Variants in SNX24 observed in about 807,000 individuals in gnomAD.
SNX24 encodes sorting nexin-24.
Under a neutral mutation model 28.7 loss-of-function variants are expected in SNX24, and 22 were observed. The ratio of observed to expected loss-of-function variants is 0.77; its 90% CI spans 0.55 to 1.10. SNX24 has a LOEUF of 1.10. Among genes scored for constraint, SNX24 ranks in the 50% least tolerant of loss-of-function variants. SNX24 has a pLI of 0.00. For synonymous variants in SNX24, 69 were observed against 71.5 expected (o/e 0.96, Z 0.18); for missense variants, 221 against 201.1 (o/e 1.10, Z -0.60).
At chr5:122,992,522 A>C (rs1028772045) in intron 3 of SNX24, among the ~76,000 whole-genome samples, 1 of 152,082 alleles carries the variant, frequency 6.6e-6, no homozygotes, top group Non-Finnish European at 1.5e-5. Context: ...GCCTTTGAAC[A>C]AGCTGGAATA....
intron 3 of SNX24, among the ~76,000 whole-genome samples, chr5:122,962,747 C>G (rs1177379677): frequency 2.6e-5 from 4 of 152,196 alleles, no homozygotes; most frequent in Non-Finnish European, 2.9e-5. Flanking sequence ...AATATTAACT[C>G]TAGTGGATTG....
chr5:122,982,415 T>G (rs1257016102), intron 3 of SNX24, among the ~76,000 whole-genome samples: 2 of 152,218 alleles, frequency 1.3e-5, no homozygotes, highest in African/African-American at 4.8e-5. Flanking sequence ...TAATTATTTG[T>G]GCTACTGGAA....
At chr5:122,996,198 C>T (rs1457850826) in intron 3 of SNX24, among the ~76,000 whole-genome samples, 2 of 152,204 alleles carry the variant, frequency 1.3e-5, no homozygotes, top group Non-Finnish European at 2.9e-5. Context: ...AGCAAGGCAG[C>T]ATACCCTCCA....
At position 122,880,196 on chromosome 5, in the gene SNX24, T is replaced by C. The variant is rs537856703; in HGVS notation, c.60+34503T>C. Among the ~76,000 whole-genome samples the C allele has an allele frequency of 2.6e-5, 4 of 152,358 alleles. No individual in the cohort carries two copies. The South Asian group carries it at 6.2e-4, about 24-fold the overall frequency. ...AGGAGCTGCCTTAGAATGGGAGATA[T>C]ACTCTTTAAAATATTTCATAAATGG... On this transcript the variant is annotated intron_variant, in intron 1 of 6. Transcript: ENST00000261369.
At chr5:123,019,447 C>A (rs943238430) in intron 5 of SNX24, among the ~76,000 whole-genome samples, 12 of 152,134 alleles carry the variant, frequency 7.9e-5, no homozygotes, top group Admixed American at 4.6e-4. Context: ...TTATGTAACT[C>A]AAAACGGCTA....
intron 5 of SNX24, among the ~76,000 whole-genome samples, chr5:123,015,764 G>GA (rs971645232): frequency 1.2e-4 from 18 of 150,516 alleles, no homozygotes; most frequent in Non-Finnish European, 1.5e-4. Context: ...AATTAAAAAA[G>GA]AAAAAAAAAC....
At chr5:122,915,134 A>G (rs1189943137) in intron 1 of SNX24, among the ~76,000 whole-genome samples, 2 of 152,188 alleles carry the variant, frequency 1.3e-5, no homozygotes, top group East Asian at 3.8e-4. Context: ...GAAATCTGAA[A>G]TGGTCTCAAC....
At chr5:122,978,444 A>C (rs919149180) in intron 3 of SNX24, among the ~76,000 whole-genome samples, 3 of 152,200 alleles carry the variant, frequency 2.0e-5, no homozygotes, top group Middle Eastern at 3.2e-3. Context: ...ACTTCTTGTT[A>C]GACTTTCTAG....
At chr5:122,918,506 A>C (rs1340225148) in intron 1 of SNX24, among the ~76,000 whole-genome samples, 1 of 152,202 alleles carries the variant, frequency 6.6e-6, no homozygotes, top group Admixed American at 6.5e-5. Context: ...TTGCTTCATA[A>C]GTAATCATAT....
At chr5:122,920,547 G>C (rs1236409787) in intron 1 of SNX24, among the ~76,000 whole-genome samples, 1 of 152,212 alleles carries the variant, frequency 6.6e-6, no homozygotes, top group Non-Finnish European at 1.5e-5. Context: ...TCTTACAGTG[G>C]AGTTGCAGAG....
intron 1 of SNX24, among the ~76,000 whole-genome samples, chr5:122,873,931 A>G (rs1175284974): frequency 2.0e-5 from 3 of 151,944 alleles, no homozygotes; most frequent in African/African-American, 4.8e-5. Context: ...ACGTCTGGCT[A>G]ATTTTTTTGT....
chr5:122,851,362 C>T (rs1379554828), intron 1 of SNX24, among the ~76,000 whole-genome samples: 1 of 152,064 alleles, frequency 6.6e-6, no homozygotes, highest in Non-Finnish European at 1.5e-5. Context: ...GATGGAGTTT[C>T]ATCATGTTGG....
At chr5:122,936,256 A>G (rs762158882) in intron 1 of SNX24, among the ~76,000 whole-genome samples, 22 of 152,196 alleles carry the variant, frequency 1.4e-4, no homozygotes, top group Non-Finnish European at 3.1e-4. Flanking sequence ...TATGCAGGTT[A>G]GAAAGAAATT....
chr5:122,991,551 C>G (rs1037556491), intron 3 of SNX24, among the ~76,000 whole-genome samples: 1 of 152,176 alleles, frequency 6.6e-6, no homozygotes, highest in African/African-American at 2.4e-5. Context: ...CCTCTGCCTC[C>G]CAGTTTCAAG....
intron 1 of SNX24, among the ~76,000 whole-genome samples, chr5:122,915,612 C>T (rs2150095688): frequency 6.6e-6 from 1 of 152,268 alleles, no homozygotes; most frequent in East Asian, 1.9e-4. Flanking sequence ...GGTAACAAAG[C>T]AAGACCCTGT....
chr5:123,006,002 A>G (rs1393818669), intron 6 of SNX24, among the ~76,000 whole-genome samples: 7 of 152,158 alleles, frequency 4.6e-5, no homozygotes, highest in South Asian at 2.1e-4. Context: ...TGTCTCCCCA[A>G]TTTTTAAAAC....
intron 1 of SNX24, among the ~76,000 whole-genome samples, chr5:122,853,982 A>G (rs1269094661): frequency 6.6e-6 from 1 of 150,772 alleles, no homozygotes; most frequent in East Asian, 2.0e-4. Flanking sequence ...TGTGTAAAGC[A>G]TAGTCATAAT....
chr5:122,875,932 T>C (rs1001583203), intron 1 of SNX24, among the ~76,000 whole-genome samples: 1 of 152,226 alleles, frequency 6.6e-6, no homozygotes, highest in East Asian at 1.9e-4. Flanking sequence ...TTATTAGCCC[T>C]GCATGGTGGC....
chr5:122,851,225 T>G (rs1283637571), intron 1 of SNX24, among the ~76,000 whole-genome samples: 2 of 152,188 alleles, frequency 1.3e-5, no homozygotes, highest in Non-Finnish European at 2.9e-5. Flanking sequence ...AGTGCAGTGG[T>G]GTGATCTCGG....
Sources: gnomAD v4.1 joint callset for allele counts (sites outside exome capture counted in the v4.1 genomes callset) on GRCh38, gnomAD v4.1.1 for gene constraint, MANE v1.5 for transcripts, NCBI Gene and HGNC (gene_info 2026-07-23, HGNC 2026-07-21) for gene names.